Variants in RBM33 observed in about 807,000 individuals in gnomAD.
RBM33 encodes the protein RNA binding motif protein 33.
RBM33 carries 28 observed loss-of-function variants against 132.6 expected under a neutral mutation model. The observed-to-expected ratio is 0.21, with a 90% CI of 0.16 to 0.29. The LOEUF (loss-of-function observed/expected upper bound fraction) is 0.29, where lower values mean the gene tolerates loss of function less well. Ranked by LOEUF, RBM33 falls within the 10% of genes least tolerant of loss-of-function variation. The pLI, the probability that RBM33 is intolerant of heterozygous loss-of-function variation, is 1.00. For synonymous variants in RBM33, 634 were observed against 593.0 expected (o/e 1.07, Z -1.01); for missense variants, 1,291 against 1,518.5 (o/e 0.85, Z 2.49).
At chr7:155,746,319 T>C (rs1045462256) in intron 14 of RBM33, 2 of 152,194 alleles carry the variant, frequency 1.3e-5, no homozygotes, top group African/African-American at 4.8e-5. Flanking sequence ...GAATCAGCTT[T>C]GTCCCAGACT....
At chr7:155,664,135 G>C (rs1008382140) in intron 1 of RBM33, among the ~76,000 whole-genome samples, 1 of 152,212 alleles carries the variant, frequency 6.6e-6, no homozygotes, top group African/African-American at 2.4e-5. Context: ...TTCACATTGA[G>C]ATGAGAGATG....
At chr7:155,755,375 G>A (rs1266245022) in intron 14 of RBM33, among the ~76,000 whole-genome samples, 1 of 152,338 alleles carries the variant, frequency 6.6e-6, no homozygotes, top group South Asian at 2.1e-4. Flanking sequence ...TTAATTTAAT[G>A]TCACCTGAAG....
At position 155,780,061 on chromosome 7, in the gene RBM33, A is replaced by C. The variant is rs2117097160; in HGVS notation, c.*5020A>C. The C allele has an allele frequency of 6.6e-6, 1 of 152,332 alleles. No individual in the cohort carries two copies. The highest frequency in any genetic ancestry group is 1.9e-4 in the East Asian group (1 of 5,190). The allele number at this position is 152,332 out of a possible 1,614,324, so 9.4% of individuals were successfully genotyped here. On this transcript the variant is annotated 3_prime_UTR_variant, in exon 18 of 18. Transcript: ENST00000401878. ...TAATGTATTCTGTATTTAATAATTT[A>C]ATATACTCTAGAAAGTAGACCTCAT...
At chr7:155,645,814 C>T (rs1052370999) in intron 1 of RBM33, among the ~76,000 whole-genome samples, 2 of 152,146 alleles carry the variant, frequency 1.3e-5, no homozygotes, top group African/African-American at 4.8e-5. Context: ...CTAGTGTATA[C>T]TCGAGAAGTA....
chr7:155,723,779 G>A (rs772294309), intron 9 of RBM33, among the ~76,000 whole-genome samples: 79 of 152,156 alleles, frequency 5.2e-4, no homozygotes, highest in Non-Finnish European at 1.0e-3. Flanking sequence ...TTCTTCTGTT[G>A]GAGCTGTTGA....
At chr7:155,707,125 T>G in intron 7 of RBM33, 57 bp downstream of exon 7, 1 of 1,343,372 alleles carries the variant, frequency 7.4e-7, no homozygotes, top group Non-Finnish European at 1.0e-6. Context: ...GGCAGTAAGC[T>G]TTTGTGGGTA....
intron 2 of RBM33, among the ~76,000 whole-genome samples, chr7:155,665,506 C>T (rs1164289238): frequency 1.3e-5 from 2 of 152,190 alleles, no homozygotes; most frequent in African/African-American, 4.8e-5. Flanking sequence ...TGTTTTTGTA[C>T]AGTAATGATA....
rs1407955149 is a variant in RBM33 at position 155,778,650 on chromosome 7, G to A, written c.*3609G>A. The A allele has an allele frequency of 2.6e-5, 4 of 152,382 alleles. No homozygotes were observed. Among genetic ancestry groups the A allele is most frequent in the Admixed American group, 2.0e-4 (3 of 15,294 alleles). The allele number at this position is 152,382 out of a possible 1,614,324, so 9.4% of individuals were successfully genotyped here. On this transcript the variant is annotated 3_prime_UTR_variant, in exon 18 of 18. Transcript: ENST00000401878. This position sits in a 1 kb window ranked among gnomAD's most constrained non-coding sequence, Gnocchi z 4.0. ...CACTGGGTGGTGATCAGCTGGGACA[G>A]TTCAGGTAGGGCAGGTGAGGGACCC...
intron 1 of RBM33, among the ~76,000 whole-genome samples, chr7:155,650,136 G>A (rs960851854): frequency 6.6e-6 from 1 of 152,204 alleles, no homozygotes; most frequent in Non-Finnish European, 1.5e-5. Flanking sequence ...CCTGGTTAGT[G>A]GATGTCTTTA....
Position 155,780,292 on chromosome 7 carries a change from T to C in RBM33, c.*5251T>C, listed in dbSNP as rs1802772656. On this transcript the variant is annotated 3_prime_UTR_variant, in exon 18 of 18. Transcript: ENST00000401878. ...CCGAAGGAGCAAAAAAAGCCACCGC[T>C]CGTTTCTATAATCCAGCTTTGCTTT... is the stretch of plus-strand genomic sequence containing the variant. The C allele has an allele frequency of 6.6e-6, 1 of 152,204 alleles. No homozygotes were observed. The highest frequency in any genetic ancestry group is 1.5e-5 in the Non-Finnish European group (1 of 68,052). 9.4% of individuals were successfully genotyped at this position (152,204 alleles called of 1,614,324 possible).
At chr7:155,753,094 A>G (rs182769018) in intron 14 of RBM33, among the ~76,000 whole-genome samples, 4 of 152,362 alleles carry the variant, frequency 2.6e-5, no homozygotes, top group Admixed American at 2.6e-4. Context: ...CAAAGGAGGA[A>G]TTAGCAGTGT....
At chr7:155,694,724 T>A (rs1799744908) in intron 5 of RBM33, among the ~76,000 whole-genome samples, 1 of 152,214 alleles carries the variant, frequency 6.6e-6, no homozygotes, top group Admixed American at 6.5e-5. Flanking sequence ...CGGCACGTTT[T>A]TGAGATTCAT....
At chr7:155,762,684 C>A (rs918985449) in intron 14 of RBM33, among the ~76,000 whole-genome samples, 1 of 152,132 alleles carries the variant, frequency 6.6e-6, no homozygotes, top group Non-Finnish European at 1.5e-5. Context: ...CACAAGATAA[C>A]GTTTGGTAGG....
At chr7:155,672,740 G>C (rs1585418408) in intron 2 of RBM33, 127 bp from the exon 3 acceptor site, 3 of 427,288 alleles carry the variant, frequency 7.0e-6, no homozygotes, top group African/African-American at 9.5e-5. Flanking sequence ...GTGAGGCTTT[G>C]TCTCAAAAAA....
intron 1 of RBM33, among the ~76,000 whole-genome samples, chr7:155,652,382 G>A (rs766999242): frequency 1.3e-5 from 2 of 152,182 alleles, no homozygotes; most frequent in African/African-American, 2.4e-5. Flanking sequence ...TTACATACAC[G>A]GGTGGTAGCT....
chr7:155,721,038 A>G (rs915026778), intron 9 of RBM33, among the ~76,000 whole-genome samples: 1 of 152,216 alleles, frequency 6.6e-6, no homozygotes, highest in Non-Finnish European at 1.5e-5. Flanking sequence ...CAATTGAGCA[A>G]ATCAAGGTTC....
Position 155,673,770 on chromosome 7 carries a change from A to ACG in RBM33, c.171+856_171+857insGC, listed in dbSNP as rs1213283630. The stretch of plus-strand genomic sequence containing the variant: ...CGTGTATATACGCGCGCATGCGCGC[A>ACG]CACACACACACACACACACACACAC... On this transcript the variant is annotated intron_variant, in intron 3 of 17. Transcript: ENST00000401878. Among the ~76,000 whole-genome samples, 164 of 121,710 alleles carry ACG rather than the reference A, an allele frequency of 1.3e-3. 1 individual carries two copies. The highest frequency in any genetic ancestry group is 1.8e-3 in the South Asian group (7 of 3,928). 79.8% of individuals were successfully genotyped at this position (121,710 alleles called of 152,430 possible).
At chr7:155,707,946 C>T (rs1179794787) in intron 7 of RBM33, among the ~76,000 whole-genome samples, 1 of 152,216 alleles carries the variant, frequency 6.6e-6, no homozygotes, top group Non-Finnish European at 1.5e-5. Flanking sequence ...GGGCGTGAGC[C>T]ACTGGGCCCA....
At chr7:155,756,669 A>G (rs1801861154) in intron 14 of RBM33, among the ~76,000 whole-genome samples, 1 of 152,154 alleles carries the variant, frequency 6.6e-6, no homozygotes. Context: ...GTTTAATCTG[A>G]GCACGTTGGA....
Sources: allele counts gnomAD v4.1 joint callset (sites outside exome capture counted in the v4.1 genomes callset), GRCh38; gene constraint gnomAD v4.1.1; non-coding constraint Gnocchi (gnomAD v3.1); transcripts MANE v1.5; gene names NCBI Gene and HGNC (gene_info 2026-07-23, HGNC 2026-07-21).